CDH9: variants seen among roughly 807,000 people sequenced by gnomAD.
The protein encoded by CDH9 is cadherin 9.
Under a neutral mutation model 70.9 loss-of-function variants are expected in CDH9, and 28 were observed. The observed-to-expected ratio is 0.40, with a 90% CI of 0.29 to 0.54. The LOEUF (loss-of-function observed/expected upper bound fraction) is 0.54. CDH9 is among the 20% of genes least tolerant of loss of function. The pLI, the probability that CDH9 is intolerant of heterozygous loss-of-function variation, is 0.59. For missense variants in CDH9, 874 were observed against 984.4 expected, an observed-to-expected ratio of 0.89 and a Z score of 1.50; for synonymous variants, 409 against 343.1, an observed-to-expected ratio of 1.19 and a Z score of -2.12.
chr5:26,959,867 TG>T (rs1484552209), intron 2 of CDH9, among the ~76,000 whole-genome samples: 1 of 150,886 alleles, frequency 6.6e-6, no homozygotes, highest in Non-Finnish European at 1.5e-5. Context: ...GTTCGGGAAC[TG>T]GGGTACTAGG....
At chr5:27,024,173 A>G (rs1254882441) in intron 1 of CDH9, among the ~76,000 whole-genome samples, 1 of 152,006 alleles carries the variant, frequency 6.6e-6, no homozygotes, top group African/African-American at 2.4e-5. Flanking sequence ...TTTTCTAAGA[A>G]CCATGTTTTT....
intron 2 of CDH9, among the ~76,000 whole-genome samples, chr5:26,965,724 A>T (rs1172463512): frequency 2.0e-5 from 3 of 152,014 alleles, no homozygotes; most frequent in Non-Finnish European, 4.4e-5. Context: ...TCTGGGTTTT[A>T]CCCAAGAAAT....
At chr5:26,963,749 A>T (rs1446740973) in intron 2 of CDH9, among the ~76,000 whole-genome samples, 3 of 152,126 alleles carry the variant, frequency 2.0e-5, no homozygotes, top group Admixed American at 6.6e-5. Flanking sequence ...AAAAAGATAC[A>T]TCATTTCAAT....
At chr5:26,973,443 A>AT (rs34472789) in intron 2 of CDH9, among the ~76,000 whole-genome samples, 7,422 of 147,834 alleles carry the variant, frequency 0.05, 595 homozygotes, top group African/African-American at 0.17. Flanking sequence ...TTTATTTTGT[A>AT]TTTTTTTTTT....
intron 2 of CDH9, among the ~76,000 whole-genome samples, chr5:26,964,000 T>TTAAATAAAA (rs1324120986): frequency 2.6e-5 from 4 of 152,246 alleles, no homozygotes; most frequent in African/African-American, 9.6e-5. Context: ...AGATTTAACA[T>TTAAATAAAA]TAACCTTTTC....
chr5:26,926,922 C>G (rs979538335), intron 2 of CDH9, among the ~76,000 whole-genome samples: 2 of 118,364 alleles, frequency 1.7e-5, no homozygotes, highest in African/African-American at 7.2e-5. Flanking sequence ...ATACAGCCCC[C>G]CCCCGCAAAA....
intron 1 of CDH9, among the ~76,000 whole-genome samples, chr5:27,034,199 G>C (rs1186675361): frequency 6.6e-6 from 1 of 151,514 alleles, no homozygotes; most frequent in Non-Finnish European, 1.5e-5. Context: ...ATAATTATTA[G>C]TTACTACTAT....
At chr5:26,964,932 T>C (rs935239453) in intron 2 of CDH9, among the ~76,000 whole-genome samples, 2 of 152,108 alleles carry the variant, frequency 1.3e-5, no homozygotes, top group African/African-American at 4.8e-5. Context: ...ACACCTTTTC[T>C]ATATACTGTT....
In CDH9 at chr5:26,923,069, T is replaced by TAAA. The variant is rs56883597; in HGVS notation, c.229-7148_229-7146dup. On this transcript the variant is annotated intron_variant, in intron 2 of 11. Coordinates refer to ENST00000231021, the MANE Select transcript of CDH9 (RefSeq NM_016279.4). ...TAAGACATAGTGTAGTTACATGAAT[T>TAAA]AAAAAAAAAAAAAAAAACACAAAAA... Among the ~76,000 whole-genome samples the TAAA allele has an allele frequency of 1.4e-3, 131 of 95,030 alleles. 4 individuals carry two copies. Among genetic ancestry groups the TAAA allele is most frequent in the South Asian group, 0.012 (34 of 2,890 alleles). The allele number at this position is 95,030 out of a possible 152,430, so 62.3% of individuals were successfully genotyped here.
intron 1 of CDH9, among the ~76,000 whole-genome samples, chr5:27,009,342 C>G (rs1180784101): frequency 6.6e-6 from 1 of 152,050 alleles, no homozygotes; most frequent in Non-Finnish European, 1.5e-5. Context: ...TCTGCTCTCC[C>G]ACATGCGATA....
intron 2 of CDH9, among the ~76,000 whole-genome samples, chr5:26,923,235 AAAAC>A (rs1161592875): frequency 7.6e-6 from 1 of 131,892 alleles, no homozygotes; most frequent in Non-Finnish European, 1.8e-5. Context: ...TATGCCAGTA[AAAAC>A]AACAACAACA....
At chr5:26,934,852 T>C (rs2112028363) in intron 2 of CDH9, among the ~76,000 whole-genome samples, 1 of 151,976 alleles carries the variant, frequency 6.6e-6, no homozygotes, top group Non-Finnish European at 1.5e-5. Flanking sequence ...TTCTCTAAAA[T>C]CTGTTTCAGA....
chr5:27,009,012 A>T (rs888013793), intron 1 of CDH9, among the ~76,000 whole-genome samples: 1 of 152,186 alleles, frequency 6.6e-6, no homozygotes, highest in Non-Finnish European at 1.5e-5. Flanking sequence ...GAACCATCTT[A>T]CCACTCACTT....
At chr5:26,966,361 GCAAATCTCGGCCTCAACAT>G (rs1434451846) in intron 2 of CDH9, among the ~76,000 whole-genome samples, 3 of 152,100 alleles carry the variant, frequency 2.0e-5, no homozygotes, top group African/African-American at 7.2e-5. Flanking sequence ...ACTCCCTCTT[GCAAATCTCGGCCTCAACAT>G]CTGCCTCCCA....
chr5:26,904,300 T>G (rs1740908878), intron 5 of CDH9, among the ~76,000 whole-genome samples: 1 of 151,968 alleles, frequency 6.6e-6, no homozygotes, highest in Non-Finnish European at 1.5e-5. Flanking sequence ...TTTGTTTTAG[T>G]TTTAATATCT....
At chr5:26,932,692 A>T (rs1741483534) in intron 2 of CDH9, among the ~76,000 whole-genome samples, 1 of 152,086 alleles carries the variant, frequency 6.6e-6, no homozygotes, top group Non-Finnish European at 1.5e-5. Context: ...TGAGTCTTGA[A>T]TTTTAAATAC....
intron 2 of CDH9, among the ~76,000 whole-genome samples, chr5:26,921,959 C>T (rs530774973): frequency 1.5e-4 from 23 of 148,528 alleles, no homozygotes; most frequent in African/African-American, 5.5e-4. Flanking sequence ...ATGTTAAAAG[C>T]GGGATTGATT....
chr5:27,011,533 C>T (rs1742954000), intron 1 of CDH9, among the ~76,000 whole-genome samples: 1 of 152,064 alleles, frequency 6.6e-6, no homozygotes, highest in Non-Finnish European at 1.5e-5. Context: ...CAACACCTTG[C>T]TTTCAGATTT....
intron 1 of CDH9, 99 bp from the exon 2 acceptor site, chr5:26,988,481 T>G: frequency 9.9e-7 from 1 of 1,012,056 alleles, no homozygotes; most frequent in Non-Finnish European, 1.4e-6. Flanking sequence ...ATTTAAATTT[T>G]ATTATGTACT....
Sources: gnomAD v4.1 joint callset for allele counts (sites outside exome capture counted in the v4.1 genomes callset) on GRCh38, gnomAD v4.1.1 for gene constraint, MANE v1.5 for transcripts, NCBI Gene and HGNC (gene_info 2026-07-23, HGNC 2026-07-21) for gene names.